The following WDR49 variants were observed in gnomAD, a reference collection of about 807,000 sequenced individuals.
The protein encoded by WDR49 is cilia- and flagella-associated protein 337.
Under a neutral mutation model 119.5 loss-of-function variants are expected in WDR49, and 107 were observed. The ratio of observed to expected loss-of-function variants is 0.90; its 90% CI spans 0.77 to 1.05. The LOEUF is 1.05. WDR49 is among the 50% of genes least tolerant of loss of function. WDR49 has a pLI of 0.00. For synonymous variants in WDR49, 425 were observed against 418.8 expected, an observed-to-expected ratio of 1.01 and a Z score of -0.18; for missense variants, 1,240 against 1,220.5, an observed-to-expected ratio of 1.02 and a Z score of -0.24.
chr3:167,627,735 A>G (rs1717195619), intron 2 of WDR49, among the ~76,000 whole-genome samples: 1 of 152,164 alleles, frequency 6.6e-6, no homozygotes, highest in South Asian at 2.1e-4. Flanking sequence ...CCAGAACTGT[A>G]TATTAATATA....
intron 8 of WDR49, among the ~76,000 whole-genome samples, chr3:167,568,106 C>T (rs944525142): frequency 3.9e-5 from 6 of 152,090 alleles, no homozygotes; most frequent in South Asian, 2.1e-4. Context: ...TCCTTTGTGG[C>T]GTTTTTCTTT....
At chr3:167,542,485 C>G (rs1042839917) in intron 10 of WDR49, among the ~76,000 whole-genome samples, 1 of 151,986 alleles carries the variant, frequency 6.6e-6, no homozygotes, top group Non-Finnish European at 1.5e-5. Flanking sequence ...CCAAAAGGAA[C>G]CCTCAAAACT....
At chr3:167,506,690 C>T (rs959724755) in intron 16 of WDR49, among the ~76,000 whole-genome samples, 2 of 152,118 alleles carry the variant, frequency 1.3e-5, no homozygotes, top group African/African-American at 4.8e-5. Flanking sequence ...AATATTGGTA[C>T]AGTACTATTA....
chr3:167,535,116 A>T (rs1219381842), intron 11 of WDR49, among the ~76,000 whole-genome samples: 4 of 152,306 alleles, frequency 2.6e-5, no homozygotes, highest in South Asian at 4.1e-4. Context: ...TAGAGTTTAA[A>T]TAACTTGCTC....
At chr3:167,500,353 T>C in intron 17 of WDR49, 54 bp from the exon 18 acceptor site, 1 of 1,578,634 alleles carries the variant, frequency 6.3e-7, no homozygotes, top group Non-Finnish European at 8.6e-7. Flanking sequence ...TACAATATCA[T>C]TAACTCCTTG....
intron 2 of WDR49, 35 bp downstream of exon 2, chr3:167,653,226 A>G: frequency 6.5e-7 from 1 of 1,535,326 alleles, no homozygotes; most frequent in Non-Finnish European, 8.7e-7. Flanking sequence ...TTCATGAACA[A>G]CTCAAACTAT....
intron 17 of WDR49, among the ~76,000 whole-genome samples, chr3:167,501,783 A>T (rs944902563): frequency 6.6e-6 from 1 of 152,208 alleles, no homozygotes; most frequent in African/African-American, 2.4e-5. Context: ...TCCGTCAACA[A>T]CTAGACTAAT....
Position 167,589,857 on chromosome 3 carries a change from C to A in WDR49, c.1275+12270G>T, listed in dbSNP as rs893740851. Among the ~76,000 whole-genome samples the A allele has an allele frequency of 2.0e-5, 3 of 152,032 alleles. No homozygotes were observed. The East Asian group carries it at 5.8e-4, about 29-fold the overall frequency. Reference sequence around the variant, plus strand: ...TCCAAATACAAGATGTTATTATCTGCAAATAAGGATAATGTGCTTTCTTCA... The same window carrying A: ...TCCAAATACAAGATGTTATTATCTGAAAATAAGGATAATGTGCTTTCTTCA... On this transcript the variant is annotated intron_variant, in intron 7 of 18. Coordinates refer to ENST00000682715, the MANE Select transcript of WDR49 (RefSeq NM_001366157.1).
At chr3:167,603,832 G>A (rs1715897358) in intron 6 of WDR49, among the ~76,000 whole-genome samples, 1 of 152,050 alleles carries the variant, frequency 6.6e-6, no homozygotes, top group South Asian at 2.1e-4. Context: ...AATCATTAGA[G>A]ATTGTATTCT....
chr3:167,578,858 T>C (rs1394077545), intron 7 of WDR49, among the ~76,000 whole-genome samples: 1 of 152,142 alleles, frequency 6.6e-6, no homozygotes, highest in East Asian at 1.9e-4. Context: ...CAGGAACAAA[T>C]AACCAAGCCA....
intron 16 of WDR49, among the ~76,000 whole-genome samples, chr3:167,513,185 T>C (rs1752053980): frequency 6.6e-6 from 1 of 151,480 alleles, no homozygotes; most frequent in Non-Finnish European, 1.5e-5. Flanking sequence ...AGGAAAAAAA[T>C]TAAAGGGCAG....
intron 16 of WDR49, among the ~76,000 whole-genome samples, chr3:167,517,508 A>T (rs1752260462): frequency 6.6e-6 from 1 of 152,186 alleles, no homozygotes. Context: ...TACATCTTAT[A>T]CAAAAATTAA....
chr3:167,617,484 C>T (rs1716655056), intron 5 of WDR49, among the ~76,000 whole-genome samples: 2 of 152,172 alleles, frequency 1.3e-5, no homozygotes, highest in South Asian at 4.1e-4. Flanking sequence ...CAAGATCGCA[C>T]CACTGCACTC....
intron 2 of WDR49, among the ~76,000 whole-genome samples, chr3:167,640,985 A>G (rs1186531987): frequency 6.6e-6 from 1 of 151,834 alleles, no homozygotes; most frequent in Non-Finnish European, 1.5e-5. Flanking sequence ...GGTTGCATCT[A>G]CTCGACTTGT....
At chr3:167,630,082 A>G (rs1717302551) in intron 2 of WDR49, among the ~76,000 whole-genome samples, 1 of 152,176 alleles carries the variant, frequency 6.6e-6, no homozygotes, top group Non-Finnish European at 1.5e-5. Context: ...TATTGTGAGT[A>G]AAACACTGTG....
chr3:167,570,542 G>A (rs1713874817), intron 8 of WDR49, among the ~76,000 whole-genome samples: 1 of 152,150 alleles, frequency 6.6e-6, no homozygotes, highest in South Asian at 2.1e-4. Flanking sequence ...TCTAAATTAA[G>A]ATAAGGTAAC....
rs142476242 is a variant in WDR49 at position 167,507,612 on chromosome 3, A to AT, written c.2775-2197dup. ...TTAGAGTAGTTAACAATATATCTTG[A>AT]TTTTTTTTTCCAAAACACTCTAAAC... On this transcript the variant is annotated intron_variant, in intron 16 of 18. Coordinates refer to ENST00000682715, the MANE Select transcript of WDR49 (RefSeq NM_001366157.1). 5.9e-5 allele frequency among the ~76,000 whole-genome samples: 9 copies of AT among 151,676 alleles called. No individual in the cohort carries two copies. In the South Asian group the frequency reaches 8.4e-4, roughly 14 times the overall value.
chr3:167,597,488 G>A (rs1293821854), intron 7 of WDR49, among the ~76,000 whole-genome samples: 1 of 152,204 alleles, frequency 6.6e-6, no homozygotes, highest in Non-Finnish European at 1.5e-5. Context: ...CTGGGGCACT[G>A]ACTAGTGGAG....
chr3:167,500,345 C>T, intron 17 of WDR49, 46 bp from the exon 18 acceptor site: 1 of 1,591,514 alleles, frequency 6.3e-7, no homozygotes, highest in Non-Finnish European at 8.5e-7. Flanking sequence ...AAAAAGGGTA[C>T]AATATCATTA....
Sources: gnomAD v4.1 joint callset for allele counts (sites outside exome capture counted in the v4.1 genomes callset) on GRCh38, gnomAD v4.1.1 for gene constraint, MANE v1.5 for transcripts, NCBI Gene and HGNC (gene_info 2026-07-23, HGNC 2026-07-21) for gene names.